Variants in NEK5 observed in about 807,000 individuals in gnomAD.
NEK5 encodes NIMA related kinase 5.
Under a neutral mutation model 109.2 loss-of-function variants are expected in NEK5, and 88 were observed. The observed-to-expected ratio is 0.81, with a 90% CI of 0.68 to 0.96. NEK5 has a LOEUF of 0.96. Among genes scored for constraint, NEK5 ranks in the 40% least tolerant of loss-of-function variants. The pLI, the probability that NEK5 is intolerant of heterozygous loss-of-function variation, is 0.00. For synonymous variants in NEK5, 283 were observed against 299.9 expected, an observed-to-expected ratio of 0.94 and a Z score of 0.58; for missense variants, 834 against 920.7, an observed-to-expected ratio of 0.91 and a Z score of 1.22.
chr13:52,057,006 G>A (rs886969533), intron 22 of NEK5, among the ~76,000 whole-genome samples: 1 of 152,110 alleles, frequency 6.6e-6, no homozygotes, highest in African/African-American at 2.4e-5. Flanking sequence ...AATGAATCCA[G>A]GAGCTGGTTT....
chr13:52,053,385 T>C (rs1954525062), intron 22 of NEK5, among the ~76,000 whole-genome samples: 1 of 152,220 alleles, frequency 6.6e-6, no homozygotes, highest in Admixed American at 6.5e-5. Flanking sequence ...AACCTGCTTC[T>C]GTGTGTATGT....
rs754653660 is a variant in NEK5 at position 52,086,349 on chromosome 13, C to G, written c.1407G>C (p.Gln469His). Residue 469 changes from glutamine to histidine, a missense_variant, in exon 16 of 24, where the codon CAG (glutamine) becomes CAC (histidine). Coordinates refer to ENST00000684899, the MANE Select transcript of NEK5 (RefSeq NM_001365552.1). ...GGTACTGTTGGCGTATTTCCTCTAA[C>G]TGCTTCCAATATTCCTGGAAAGCAA... ...NEMKEQEYWK[Q>H]LEEIRQQYHN... 2 of 1,611,176 alleles carry G rather than the reference C, an allele frequency of 1.2e-6. No homozygotes were observed. Among genetic ancestry groups the G allele is most frequent in the Admixed American group, 3.3e-5 (2 of 59,976 alleles).
At chr13:52,084,546 T>C (rs1332486487) in intron 16 of NEK5, among the ~76,000 whole-genome samples, 3 of 152,058 alleles carry the variant, frequency 2.0e-5, no homozygotes, top group Non-Finnish European at 1.5e-5. Flanking sequence ...TTTATTTTAC[T>C]TTATTTTTTT....
chr13:52,071,775 G>A (rs1954788048), intron 20 of NEK5, among the ~76,000 whole-genome samples, 169 bp downstream of exon 20: 1 of 152,190 alleles, frequency 6.6e-6, no homozygotes, highest in Non-Finnish European at 1.5e-5. Flanking sequence ...AGGGAGTGTG[G>A]CCACTGCATG....
Position 52,096,561 on chromosome 13 carries a change from AG to A in NEK5, c.1026+3181del, listed in dbSNP as rs1763348468. Among the ~76,000 whole-genome samples, 3 of 152,310 alleles carry A rather than the reference AG, an allele frequency of 2.0e-5. No homozygotes were observed. The South Asian group carries it at 6.2e-4, about 32-fold the overall frequency. ...GGATCTGTGGAACTTTGAACTTGAG[AG>A]TGATGATTTAGGGCGTCTGACAGAA... On this transcript the variant is annotated intron_variant, in intron 12 of 23. Transcript: ENST00000684899.
chr13:52,040,081 CTTTTTTT>C (rs59617490), intron 23 of NEK5, among the ~76,000 whole-genome samples: 9 of 120,402 alleles, frequency 7.5e-5, no homozygotes, highest in Non-Finnish European at 1.4e-4. Context: ...TCTACTGGCA[CTTTTTTT>C]TTTTTTTTTT....
chr13:52,084,816 T>TGTGTGTGTGTGTG (rs1955105588), intron 16 of NEK5, among the ~76,000 whole-genome samples: 6 of 127,482 alleles, frequency 4.7e-5, no homozygotes, highest in African/African-American at 8.9e-5. Flanking sequence ...TGTGTGTGTG[T>TGTGTGTGTGTGTG]TTAGAGCTAG....
intron 21 of NEK5, among the ~76,000 whole-genome samples, chr13:52,063,491 C>A (rs1285113499): frequency 6.6e-6 from 1 of 151,604 alleles, no homozygotes; most frequent in East Asian, 2.0e-4. Flanking sequence ...TGCCCGGCCG[C>A]CACCCCGTCT....
chr13:52,065,503 G>A lies in NEK5; in HGVS notation c.1956C>T (p.Thr652=), dbSNP rs768553099. The A allele has an allele frequency of 6.2e-7, 1 of 1,614,056 alleles. No homozygotes were observed. Among genetic ancestry groups the A allele is most frequent in the South Asian group, 1.1e-5 (1 of 91,082 alleles). ...ACTCACTGTCAGGCCCCGTGGGGCA[G>A]GTGGAGGTGATGTCGGCCACTGCCA... The part of the protein sequence containing the change: ...QMMAVADITS[T]CPTGPDNGQV... Residue 652 remains threonine, a synonymous_variant, in exon 21 of 24, where the codon ACC becomes ACT. Coordinates refer to ENST00000684899, the MANE Select transcript of NEK5 (RefSeq NM_001365552.1).
chr13:52,087,221 C>A, intron 15 of NEK5, 117 bp downstream of exon 15: 1 of 588,798 alleles, frequency 1.7e-6, no homozygotes, highest in Non-Finnish European at 3.1e-6. Flanking sequence ...TAACACTCAG[C>A]ATGGTGTTGA....
rs115671740 is a variant in NEK5, at chr13:52,046,622, T to G, written c.2228+3482A>C. Among the ~76,000 whole-genome samples the G allele has an allele frequency of 6.4e-3, 979 of 152,032 alleles. 6 individuals are homozygous for G. The highest frequency in any genetic ancestry group is 0.019 in the African/African-American group (769 of 41,480). On this transcript the variant is annotated intron_variant, in intron 23 of 23. Coordinates refer to ENST00000684899, the MANE Select transcript of NEK5 (RefSeq NM_001365552.1). ...GGCAAGTGCCTGTAGTCCCGGCTAC[T>G]CAGCAGGCTGAAGTGGGAAGTTAGA...
At position 52,054,881 on chromosome 13, in the gene NEK5, A is replaced by G. The variant is rs530328347; in HGVS notation, c.2111-4660T>C. On this transcript the variant is annotated intron_variant, in intron 22 of 23. Coordinates refer to ENST00000684899, the MANE Select transcript of NEK5 (RefSeq NM_001365552.1). Reference sequence around the variant, plus strand: ...GAGCAGAAAAACTGGAAACTCTAAAAAGCAGAGCACCTCTCCTCCTCCAAA... The same window carrying G: ...GAGCAGAAAAACTGGAAACTCTAAAGAGCAGAGCACCTCTCCTCCTCCAAA... 5.9e-5 allele frequency among the ~76,000 whole-genome samples: 9 copies of G among 152,348 alleles called. No individual in the cohort carries two copies. In the South Asian group the frequency reaches 1.9e-3, roughly 32 times the overall value.
At chr13:52,080,481 CGG>C (rs1443854533) in intron 17 of NEK5, among the ~76,000 whole-genome samples, 2 of 152,150 alleles carry the variant, frequency 1.3e-5, no homozygotes, top group Non-Finnish European at 2.9e-5. Context: ...ATTGAGAAAT[CGG>C]ATGGTTGCCG....
chr13:52,065,206 C>T, intron 21 of NEK5: 1 of 510,792 alleles, frequency 2.0e-6, no homozygotes, highest in Non-Finnish European at 3.5e-6. Flanking sequence ...ATCAAGTCAG[C>T]TGTCCTTCCT....
In NEK5 at chr13:52,104,831, G is replaced by T. The variant is rs73500150; in HGVS notation, c.555-279C>A. ...GTTCAGCTTCCTGCTCAAAAACAAT[G>T]TATGTATGATGAAATGTTGAGCAAT... On this transcript the variant is annotated intron_variant, in intron 8 of 23. Transcript: ENST00000684899. Among the ~76,000 whole-genome samples, 4 of 152,246 alleles carry T rather than the reference G, an allele frequency of 2.6e-5. No individual in the cohort carries two copies. In the East Asian group the frequency reaches 7.7e-4, roughly 29 times the overall value.
chr13:52,037,745 A>G (rs1172482713), intron 23 of NEK5, among the ~76,000 whole-genome samples: 1 of 152,114 alleles, frequency 6.6e-6, no homozygotes, highest in Non-Finnish European at 1.5e-5. Context: ...AACACGGTGA[A>G]ACCCCGTCTC....
At chr13:52,040,342 CCCAAAGTGCTGGGAT>C (rs1954403202) in intron 23 of NEK5, among the ~76,000 whole-genome samples, 1 of 152,128 alleles carries the variant, frequency 6.6e-6, no homozygotes. Context: ...ACCTCAGCCT[CCCAAAGTGCTGGGAT>C]TACAGGCGTG....
In NEK5 at chr13:52,102,023, G is replaced by A. The variant is rs377311685; in HGVS notation, c.811-9C>T. ...AATTCTTCCTGAATGACCTAAAACC[G>A]AACACACGTGTCAAGGACCTGCAAC... is the stretch of plus-strand genomic sequence containing the variant. On this transcript the variant is annotated splice_polypyrimidine_tract_variant and intron_variant, in intron 10 of 23. Coordinates refer to ENST00000684899, the MANE Select transcript of NEK5 (RefSeq NM_001365552.1). The A allele has an allele frequency of 1.6e-4, 266 of 1,613,552 alleles. 1 individual carries two copies. The African/African-American group carries it at 1.9e-3, about 12-fold the overall frequency.
intron 7 of NEK5, among the ~76,000 whole-genome samples, chr13:52,109,174 C>T (rs1469340723): frequency 6.6e-6 from 1 of 152,142 alleles, no homozygotes; most frequent in Non-Finnish European, 1.5e-5. Context: ...AAATTCTAAG[C>T]CCCCCAACCA....
Sources: gnomAD v4.1 joint callset for allele counts (sites outside exome capture counted in the v4.1 genomes callset) on GRCh38, gnomAD v4.1.1 for gene constraint, MANE v1.5 for transcripts, NCBI Gene and HGNC (gene_info 2026-07-23, HGNC 2026-07-21) for gene names.